Variants in GPT2 observed in about 807,000 individuals in gnomAD.
GPT2 encodes the protein alanine aminotransferase 2.
Under a neutral mutation model 56.9 loss-of-function variants are expected in GPT2, and 30 were observed. The ratio of observed to expected loss-of-function variants is 0.53; its 90% CI spans 0.39 to 0.72. The LOEUF is 0.72. Among genes scored for constraint, GPT2 ranks in the 30% least tolerant of loss-of-function variants. The pLI, the probability that GPT2 is intolerant of heterozygous loss-of-function variation, is 0.00. For missense variants in GPT2, 542 were observed against 703.4 expected (o/e 0.77, Z 2.60); for synonymous variants, 271 against 283.1 (o/e 0.96, Z 0.43).
chr16:46,885,054 C>A lies in GPT2; in HGVS notation c.243+96C>A, dbSNP rs1960457911. ...GGGTCCTTCCCACGACGTCCACCCC[C>A]ATGGCCAGCTCCTCAGTCAGCCAAG... is the stretch of plus-strand genomic sequence containing the variant. On this transcript the variant is annotated intron_variant, in intron 2 of 11. Coordinates refer to ENST00000340124, the MANE Select transcript of GPT2 (RefSeq NM_133443.4). 2.2e-6 allele frequency: 3 copies of A among 1,364,360 alleles called. No individual in the cohort carries two copies. In the South Asian group the frequency reaches 5.1e-5, roughly 23 times the overall value. The allele number at this position is 1,364,360 out of a possible 1,614,324, so 84.5% of individuals were successfully genotyped here.
In GPT2 at chr16:46,906,874, A is replaced by G; in HGVS notation, c.475A>G (p.Ile159Val). 2 of 1,614,186 alleles carry G rather than the reference A, an allele frequency of 1.2e-6. No individual in the cohort carries two copies. The highest frequency in any genetic ancestry group is 1.7e-6 in the Non-Finnish European group (2 of 1,180,032). Residue 159 changes from isoleucine to valine, a missense_variant, in exon 5 of 12, where the codon ATC (isoleucine) becomes GTC (valine). Transcript: ENST00000340124. ...SYSASQGVNCIREDVAAYITR... is the reference protein window; with the variant it reads ...SYSASQGVNCVREDVAAYITR... ...CAGTGCTAGCCAGGGTGTCAACTGC[A>G]TCCGTGAAGATGTGGCTGCCTACAT...
chr16:46,889,879 T>G (rs1478321020), intron 2 of GPT2, among the ~76,000 whole-genome samples: 1 of 152,222 alleles, frequency 6.6e-6, no homozygotes, highest in Admixed American at 6.5e-5. Context: ...TTCCTGAGGC[T>G]CTGGGTCTGG....
chr16:46,908,083 A>T (rs554087322), intron 5 of GPT2, among the ~76,000 whole-genome samples: 1 of 134,524 alleles, frequency 7.4e-6, no homozygotes, highest in East Asian at 2.2e-4. Context: ...GGTTTGGGGG[A>T]CTGGTAGAGG....
At chr16:46,886,964 C>G (rs913760669) in intron 2 of GPT2, among the ~76,000 whole-genome samples, 5 of 152,148 alleles carry the variant, frequency 3.3e-5, no homozygotes, top group Admixed American at 3.3e-4. Flanking sequence ...AGTCTCAGTT[C>G]CCCGGCTGTG....
At chr16:46,917,832 A>T (rs1961200665) in intron 7 of GPT2, among the ~76,000 whole-genome samples, 1 of 152,154 alleles carries the variant, frequency 6.6e-6, no homozygotes, top group African/African-American at 2.4e-5. Flanking sequence ...GATGGGCCTG[A>T]TATCTTCATT....
At chr16:46,928,205 G>A (rs1288735302) in intron 11 of GPT2, among the ~76,000 whole-genome samples, 3 of 152,020 alleles carry the variant, frequency 2.0e-5, no homozygotes, top group Admixed American at 2.0e-4. Context: ...GCGCATGCCC[G>A]TAATCCTAGC....
chr16:46,924,671 G>GTATGCACCTGTAT, intron 10 of GPT2, 127 bp downstream of exon 10: 1 of 936,888 alleles, frequency 1.1e-6, no homozygotes, highest in Non-Finnish European at 1.6e-6. Flanking sequence ...TGCACCTCTC[G>GTATGCACCTGTAT]GCCAGAGGGT....
intron 2 of GPT2, among the ~76,000 whole-genome samples, chr16:46,896,472 A>T (rs563645182): frequency 6.6e-6 from 1 of 151,994 alleles, no homozygotes; most frequent in South Asian, 2.1e-4. Flanking sequence ...TTTAATGTGA[A>T]AATCAGCCCA....
At chr16:46,904,178 CG>C (rs1204927536) in intron 4 of GPT2, among the ~76,000 whole-genome samples, 3 of 152,190 alleles carry the variant, frequency 2.0e-5, no homozygotes, top group Non-Finnish European at 4.4e-5. Flanking sequence ...ACAGAAGAAA[CG>C]GGTAACAGCC....
chr16:46,929,373 G>A lies in GPT2; in HGVS notation c.*376G>A, dbSNP rs1351354850. On this transcript the variant is annotated 3_prime_UTR_variant, in exon 12 of 12. Coordinates refer to ENST00000340124, the MANE Select transcript of GPT2 (RefSeq NM_133443.4). ...TCGGGAAATGTGTGACTTAACCGTGGTGAGGGCTGGAAATCCAAACTCACC... is the reference window on the plus strand; with the variant it reads ...TCGGGAAATGTGTGACTTAACCGTGATGAGGGCTGGAAATCCAAACTCACC... 1.7e-5 allele frequency: 4 copies of A among 236,862 alleles called. No homozygotes were observed. In the East Asian group the frequency reaches 2.7e-4, roughly 16 times the overall value. The allele number at this position is 236,862 out of a possible 1,614,324, so 14.7% of individuals were successfully genotyped here.
chr16:46,910,380 CAAAAAA>C (rs4039999), intron 6 of GPT2, among the ~76,000 whole-genome samples: 20 of 46,480 alleles, frequency 4.3e-4, no homozygotes, highest in South Asian at 3.5e-3. Context: ...GACTCTGTCT[CAAAAAA>C]AAAAAAAAAA....
intron 2 of GPT2, among the ~76,000 whole-genome samples, chr16:46,893,870 G>A (rs1960634436): frequency 6.6e-6 from 1 of 152,332 alleles, no homozygotes; most frequent in African/African-American, 2.4e-5. Flanking sequence ...AGCTGGCAGG[G>A]CCCTGAGGGC....
At chr16:46,918,458 A>G (rs1028287952) in intron 7 of GPT2, among the ~76,000 whole-genome samples, 163 bp from the exon 8 acceptor site, 2 of 152,168 alleles carry the variant, frequency 1.3e-5, no homozygotes, top group Non-Finnish European at 2.9e-5. Context: ...CTTATTCCAG[A>G]AAGTTCCTTC....
chr16:46,889,139 A>G (rs911638559), intron 2 of GPT2, among the ~76,000 whole-genome samples: 3 of 150,878 alleles, frequency 2.0e-5, no homozygotes, highest in Admixed American at 6.6e-5. Context: ...CGATCCTTAC[A>G]CTTCAGCCTC....
In GPT2 at chr16:46,918,687, A is replaced by G; in HGVS notation, c.967A>G (p.Met323Val). 1 of 1,614,136 alleles carries G rather than the reference A, an allele frequency of 6.2e-7. No homozygotes were observed. Among genetic ancestry groups the G allele is most frequent in the Non-Finnish European group, 8.5e-7 (1 of 1,180,006 alleles). The change falls in exon 8 of 12, where the codon ATG becomes GTG. Residue 323 changes from methionine to valine, a missense_variant. Coordinates refer to ENST00000340124, the MANE Select transcript of GPT2 (RefSeq NM_133443.4). ...CTCCTTCAAGAAGGTGCTGTACGAG[A>G]TGGGGCCCGAGTACTCCAGCAACGT... ...FHSFKKVLYEMGPEYSSNVEL... is the reference protein window; with the variant it reads ...FHSFKKVLYEVGPEYSSNVEL...
chr16:46,900,535 C>T (rs529101905), intron 3 of GPT2, 147 bp from the exon 4 acceptor site: 1 of 599,640 alleles, frequency 1.7e-6, no homozygotes, highest in African/African-American at 1.9e-5. Context: ...CCCTCCCACT[C>T]CCAAGCTCCC....
At chr16:46,918,086 A>T (rs1317563867) in intron 7 of GPT2, among the ~76,000 whole-genome samples, 1 of 152,160 alleles carries the variant, frequency 6.6e-6, no homozygotes, top group Non-Finnish European at 1.5e-5. Context: ...TGAGTGCTGG[A>T]CTCGGGACTG....
chr16:46,912,904 C>G (rs1000923958), intron 6 of GPT2, among the ~76,000 whole-genome samples: 2 of 152,188 alleles, frequency 1.3e-5, no homozygotes, highest in Non-Finnish European at 2.9e-5. Context: ...ATCTGTCACT[C>G]AAAGGAGGAT....
rs1961505399 is a variant in GPT2 at position 46,929,959 on chromosome 16, C to T, written c.*962C>T. 1 of 152,654 alleles carries T rather than the reference C, an allele frequency of 6.6e-6. No individual in the cohort carries two copies. The highest frequency in any genetic ancestry group is 6.5e-5 in the Admixed American group (1 of 15,288). 9.5% of individuals were successfully genotyped at this position (152,654 alleles called of 1,614,324 possible). A position where few individuals can be genotyped will look rare whatever the true frequency, so the allele number is the denominator to read the frequency against. On this transcript the variant is annotated 3_prime_UTR_variant, in exon 12 of 12. Transcript: ENST00000340124. Reference sequence around the variant, plus strand: ...CTCCCCACAAGGGCAATCCCCGGGACCTGCCGAGCAGCCAAGGCCCTGTCC... The same window carrying T: ...CTCCCCACAAGGGCAATCCCCGGGATCTGCCGAGCAGCCAAGGCCCTGTCC...
Sources: allele counts gnomAD v4.1 joint callset (sites outside exome capture counted in the v4.1 genomes callset), GRCh38; gene constraint gnomAD v4.1.1; transcripts MANE v1.5; gene names NCBI Gene and HGNC (gene_info 2026-07-23, HGNC 2026-07-21).